Variants in PCDHGA3 observed in about 807,000 individuals in gnomAD.
PCDHGA3 encodes protocadherin gamma subfamily A, 3.
In PCDHGA3, 40 loss-of-function variants were observed where a neutral mutation model predicts 58.5. That is an observed-to-expected ratio of 0.68 (90% CI 0.53 to 0.89). The LOEUF (loss-of-function observed/expected upper bound fraction) is 0.89. Ranked by LOEUF, PCDHGA3 falls within the 40% of genes least tolerant of loss-of-function variation. The pLI, the probability that PCDHGA3 is intolerant of heterozygous loss-of-function variation, is 0.00. For synonymous variants in PCDHGA3, 530 were observed against 525.7 expected, an observed-to-expected ratio of 1.01 and a Z score of -0.11; for missense variants, 1,223 against 1,195.9, an observed-to-expected ratio of 1.02 and a Z score of -0.33.
chr5:141,346,140 G>A lies in PCDHGA3; in HGVS notation c.2107G>A (p.Val703Ile), dbSNP rs752062170. 6.8e-6 allele frequency: 11 copies of A among 1,613,938 alleles called. No individual in the cohort carries two copies. The Admixed American group carries it at 1.8e-4, about 27-fold the overall frequency. ...GGTGGCGGTGGCCGCGGTCTCCTGC[G>A]TCTTCCTGGCCTTCGTCATCGTGCT... ...LVVAVAAVSC[V>I]FLAFVIVLLA... Residue 703 changes from valine to isoleucine, a missense_variant, in exon 1 of 4, where the codon GTC (valine) becomes ATC (isoleucine). By Grantham distance (29) the Val-to-Ile change is conservative (BLOSUM62 3). This residue lies in a region of PCDHGA3 where 325 missense variants were observed against 327.5 expected (regional missense o/e 0.99). Coordinates refer to ENST00000253812, the MANE Select transcript of PCDHGA3 (RefSeq NM_018916.4).
rs1561863226 is a variant in PCDHGA3, at chr5:141,432,653, C to T, written c.2425-62154C>T. On this transcript the variant is annotated intron_variant, in intron 1 of 3. Transcript: ENST00000253812. The surrounding 1 kb of genome is among the most constrained non-coding windows in gnomAD (Gnocchi z 6.0). Reference sequence around the variant, plus strand: ...GGGCGAGGTGCGCACGGCGCGAGCCCTGCTGGACAGAGACGCGCTCAAGCA... The same window carrying T: ...GGGCGAGGTGCGCACGGCGCGAGCCTTGCTGGACAGAGACGCGCTCAAGCA... 5 of 1,613,852 alleles carry T rather than the reference C, an allele frequency of 3.1e-6. No individual in the cohort carries two copies. In the South Asian group the frequency reaches 4.4e-5, roughly 14 times the overall value.
intron 1 of PCDHGA3, chr5:141,376,375 T>G (rs896572311): frequency 8.7e-6 from 14 of 1,614,090 alleles, no homozygotes; most frequent in African/African-American, 2.7e-5. Flanking sequence ...CAGACTCGCG[T>G]AAGAGTCATC....
At chr5:141,365,475 T>TG in intron 1 of PCDHGA3, 2 of 1,613,978 alleles carry the variant, frequency 1.2e-6, no homozygotes, top group Non-Finnish European at 8.5e-7. Context: ...AATGGTGAGA[T>TG]TGCATGCTCT....
rs1304554303 is a variant in PCDHGA3, at chr5:141,403,611, C to G, written c.2424+57154C>G. 3 of 1,613,860 alleles carry G rather than the reference C, an allele frequency of 1.9e-6. No homozygotes were observed. The highest frequency in any genetic ancestry group is 2.5e-6 in the Non-Finnish European group (3 of 1,179,892). Reference sequence around the variant, plus strand: ...CTCACGGCCTCGGATGGCGGCGAGCCGCGTCGCTCCAGCACAGTGCGCATC... The same window carrying G: ...CTCACGGCCTCGGATGGCGGCGAGCGGCGTCGCTCCAGCACAGTGCGCATC... On this transcript the variant is annotated intron_variant, in intron 1 of 3. Transcript: ENST00000253812.
intron 1 of PCDHGA3, among the ~76,000 whole-genome samples, chr5:141,420,581 C>T (rs1024544346): frequency 2.6e-5 from 4 of 151,994 alleles, no homozygotes; most frequent in Admixed American, 6.5e-5. Flanking sequence ...TAATTGAAAC[C>T]CTGATGCTAC....
Position 141,413,166 on chromosome 5 carries a change from C to T in PCDHGA3, c.2424+66709C>T, listed in dbSNP as rs758193163. ...GTGAGGACTTTGCAGAATTCTGTAA[C>T]CAGACTACAATGGCCGCTCAAAGGA... On this transcript the variant is annotated intron_variant, in intron 1 of 3. Transcript: ENST00000253812. 5 of 1,590,278 alleles carry T rather than the reference C, an allele frequency of 3.1e-6. No individual in the cohort carries two copies. The East Asian group carries it at 1.1e-4, about 36-fold the overall frequency.
chr5:141,391,797 A>G (rs1283933191), intron 1 of PCDHGA3: 1 of 152,180 alleles, frequency 6.6e-6, no homozygotes, highest in African/African-American at 2.4e-5. Context: ...AGTTTTTTAG[A>G]TCAAAGTGTT....
In PCDHGA3 at chr5:141,350,375, C is replaced by G. The variant is rs372561158; in HGVS notation, c.2424+3918C>G. The stretch of plus-strand genomic sequence containing the variant: ...GATCCGATACACGATTCCAGAGGAG[C>G]TAGCCAACGGCTCACGGGTGGGGAA... On this transcript the variant is annotated intron_variant, in intron 1 of 3. Transcript: ENST00000253812. 1.1e-4 allele frequency: 168 copies of G among 1,585,544 alleles called. No individual in the cohort carries two copies. Among genetic ancestry groups the G allele is most frequent in the Non-Finnish European group, 1.4e-4 (164 of 1,164,180 alleles).
intron 1 of PCDHGA3, chr5:141,415,589 T>C: frequency 1.2e-6 from 2 of 1,614,062 alleles, no homozygotes; most frequent in Non-Finnish European, 1.7e-6. Flanking sequence ...AAGTTTCCTA[T>C]AGAGGATACC....
At chr5:141,419,901 C>A (rs2096446114) in intron 1 of PCDHGA3, 5 of 1,614,108 alleles carry the variant, frequency 3.1e-6, no homozygotes, top group Non-Finnish European at 4.2e-6. Flanking sequence ...CATCCCACAC[C>A]CTCTGACTCC....
intron 1 of PCDHGA3, chr5:141,364,397 C>T (rs1412341598): frequency 1.2e-6 from 2 of 1,605,004 alleles, no homozygotes; most frequent in Admixed American, 3.4e-5. Flanking sequence ...CCTGGGGACG[C>T]TGTGCGAGCC....
At position 141,370,441 on chromosome 5, in the gene PCDHGA3, T is replaced by C. The variant is rs2149963078; in HGVS notation, c.2424+23984T>C. On this transcript the variant is annotated intron_variant, in intron 1 of 3. Transcript: ENST00000253812. ...AGGGGCCCAGCAGGGCAGAGGCGAA[T>C]GCTATTTCTCTTCCTGCTCTCTTTG... 3.1e-6 allele frequency: 5 copies of C among 1,605,944 alleles called. No homozygotes were observed. Among genetic ancestry groups the C allele is most frequent in the Admixed American group, 1.7e-5 (1 of 58,778 alleles).
intron 1 of PCDHGA3, among the ~76,000 whole-genome samples, chr5:141,349,462 A>G (rs1403723777): frequency 6.6e-6 from 1 of 152,194 alleles, no homozygotes; most frequent in Non-Finnish European, 1.5e-5. Flanking sequence ...ATGTATGTGT[A>G]CCCCAACACT....
rs964965013 is a variant in PCDHGA3 at position 141,489,097 on chromosome 5, C to G, written c.2425-5710C>G. The G allele has an allele frequency of 6.4e-6, 2 of 313,448 alleles. No homozygotes were observed. The highest frequency in any genetic ancestry group is 1.1e-4 in the South Asian group (2 of 18,596). 19.4% of individuals were successfully genotyped at this position (313,448 alleles called of 1,614,324 possible). The stretch of plus-strand genomic sequence containing the variant: ...ACCCCCGCCACTCGGTGACTAAGAA[C>G]TGCTGCAAGCAGGCAAACCTCCGAG... On this transcript the variant is annotated intron_variant, in intron 1 of 3. Coordinates refer to ENST00000253812, the MANE Select transcript of PCDHGA3 (RefSeq NM_018916.4). This position sits in a 1 kb window ranked among gnomAD's most constrained non-coding sequence, Gnocchi z 4.5.
chr5:141,402,955 G>A (rs753305536), intron 1 of PCDHGA3: 3 of 1,601,910 alleles, frequency 1.9e-6, no homozygotes, highest in Non-Finnish European at 2.6e-6. Context: ...AGGCAGCAAT[G>A]GCAGCTCCAA....
chr5:141,428,729 ATAT>A (rs2097158318), intron 1 of PCDHGA3: 2 of 159,768 alleles, frequency 1.3e-5, no homozygotes. Flanking sequence ...AATCTTAAAC[ATAT>A]TATATCTACT....
chr5:141,360,455 A>T lies in PCDHGA3; in HGVS notation c.2424+13998A>T, dbSNP rs369787624. ...CAGCCTCTGTGTGTTCTGGATTTCG[A>T]TACTGTCGCTGAAAATCCACTAAAT... On this transcript the variant is annotated intron_variant, in intron 1 of 3. Coordinates refer to ENST00000253812, the MANE Select transcript of PCDHGA3 (RefSeq NM_018916.4). The T allele has an allele frequency of 1.4e-5, 22 of 1,613,862 alleles. No individual in the cohort carries two copies. Among genetic ancestry groups the T allele is most frequent in the Non-Finnish European group, 1.7e-5 (20 of 1,179,882 alleles).
At position 141,384,265 on chromosome 5, in the gene PCDHGA3, T is replaced by C. The variant is rs553615154; in HGVS notation, c.2424+37808T>C. 81 of 1,613,814 alleles carry C rather than the reference T, an allele frequency of 5.0e-5. No individual in the cohort carries two copies. In the South Asian group the frequency reaches 7.4e-4, roughly 15 times the overall value. Reference sequence around the variant, plus strand: ...TAACCCACCCACCTTCCCCCACTCATCCTACTCAGTCTACATCGCTGAGAA... The same window carrying C: ...TAACCCACCCACCTTCCCCCACTCACCCTACTCAGTCTACATCGCTGAGAA... On this transcript the variant is annotated intron_variant, in intron 1 of 3. Coordinates refer to ENST00000253812, the MANE Select transcript of PCDHGA3 (RefSeq NM_018916.4).
At chr5:141,474,964 CATT>C (rs1489874965) in intron 1 of PCDHGA3, among the ~76,000 whole-genome samples, 1 of 152,216 alleles carries the variant, frequency 6.6e-6, no homozygotes, top group Non-Finnish European at 1.5e-5. Context: ...CTATCCTAAT[CATT>C]ATAATTTTGT....
Sources: gnomAD v4.1 joint callset for allele counts (sites outside exome capture counted in the v4.1 genomes callset) on GRCh38, gnomAD v4.1.1 for gene constraint, gnomAD v4.1.1 regional missense constraint, Gnocchi (gnomAD v3.1) non-coding constraint, MANE v1.5 for transcripts, NCBI Gene and HGNC (gene_info 2026-07-23, HGNC 2026-07-21) for gene names.